MGAT4C: variants seen among roughly 807,000 people sequenced by gnomAD.
MGAT4C encodes the protein MGAT4 family member C, also known as alpha-1,3-mannosyl-glycoprotein 4-beta-N-acetylglucosaminyltransferase C.
In MGAT4C, 19 loss-of-function variants were observed where a neutral mutation model predicts 40.1. The ratio of observed to expected loss-of-function variants is 0.47; its 90% confidence interval spans 0.33 to 0.70. MGAT4C has a LOEUF of 0.70. Ranked by LOEUF, MGAT4C falls within the 30% of genes least tolerant of loss-of-function variation. The pLI, the probability that MGAT4C is intolerant of heterozygous loss-of-function variation, is 0.02. For missense variants in MGAT4C, 491 were observed against 563.2 expected, an observed-to-expected ratio of 0.87 and a Z score of 1.30; for synonymous variants, 181 against 187.1, an observed-to-expected ratio of 0.97 and a Z score of 0.27.
chr12:86,782,121 T>A lies in MGAT4C; in HGVS notation c.-261-54880A>T, dbSNP rs1466781196. ...CATTCTCCTGCCTCAGCCTTCTGAG[T>A]AGCTGGGACTACAGCCATCCGCCAC... is the stretch of plus-strand genomic sequence containing the variant. On this transcript the variant is annotated intron_variant, in intron 1 of 7. Transcript: ENST00000548651. Among the ~76,000 whole-genome samples the A allele has an allele frequency of 2.0e-5, 3 of 149,092 alleles. No individual in the cohort carries two copies. The East Asian group carries it at 5.9e-4, about 29-fold the overall frequency.
chr12:86,386,395 C>G (rs1592773990), intron 3 of MGAT4C, among the ~76,000 whole-genome samples: 1 of 152,158 alleles, frequency 6.6e-6, no homozygotes. Context: ...GGGCCTGCCT[C>G]TGATTTCTAT....
At chr12:86,020,012 G>A (rs978201245) in intron 2 of MGAT4C, among the ~76,000 whole-genome samples, 2 of 152,138 alleles carry the variant, frequency 1.3e-5, no homozygotes, top group African/African-American at 4.8e-5. Context: ...TGTTGTATAA[G>A]AATGCTTGTG....
intron 2 of MGAT4C, among the ~76,000 whole-genome samples, chr12:86,703,934 T>G (rs1335953786): frequency 6.6e-6 from 1 of 152,134 alleles, no homozygotes; most frequent in Non-Finnish European, 1.5e-5. Context: ...CCAAGGAAGC[T>G]CCAGAAGCAA....
At chr12:86,391,502 C>T (rs1252909653) in intron 3 of MGAT4C, among the ~76,000 whole-genome samples, 2 of 152,272 alleles carry the variant, frequency 1.3e-5, no homozygotes, top group East Asian at 1.9e-4. Flanking sequence ...TGTGCTTGAA[C>T]TTTGCGGATA....
At chr12:86,729,057 A>G (rs1305311333) in intron 1 of MGAT4C, among the ~76,000 whole-genome samples, 1 of 152,214 alleles carries the variant, frequency 6.6e-6, no homozygotes, top group African/African-American at 2.4e-5. Context: ...ACATAACAAG[A>G]CTAAAGTGAT....
intron 1 of MGAT4C, among the ~76,000 whole-genome samples, chr12:86,203,530 C>G (rs2135939239): frequency 6.6e-6 from 1 of 152,244 alleles, no homozygotes; most frequent in Non-Finnish European, 1.5e-5. Context: ...TGATCAAATT[C>G]TAGGTGTTTT....
intron 2 of MGAT4C, among the ~76,000 whole-genome samples, chr12:86,649,016 A>C (rs942046269): frequency 2.6e-5 from 4 of 151,938 alleles, no homozygotes; most frequent in Admixed American, 2.0e-4. Context: ...TAGGGGCTTC[A>C]TATAGTAAGC....
At chr12:86,122,541 C>T (rs1400858085) in intron 1 of MGAT4C, among the ~76,000 whole-genome samples, 1 of 152,094 alleles carries the variant, frequency 6.6e-6, no homozygotes, top group Non-Finnish European at 1.5e-5. Context: ...TAATCTATAA[C>T]ATCTCTAAAG....
At chr12:86,333,956 G>A (rs1954729566) in intron 4 of MGAT4C, 1 of 152,022 alleles carries the variant, frequency 6.6e-6, no homozygotes, top group Non-Finnish European at 1.5e-5. Flanking sequence ...TGCAGAAATT[G>A]CACTTAATCA....
rs543637530 is a variant in MGAT4C at position 86,509,254 on chromosome 12, C to G, written c.-228-73989G>C. Among the ~76,000 whole-genome samples, 436 of 151,978 alleles carry G rather than the reference C, an allele frequency of 2.9e-3. 1 individual carries two copies. The highest frequency in any genetic ancestry group is 9.9e-3 in the African/African-American group (411 of 41,372). On this transcript the variant is annotated intron_variant, in intron 2 of 7. Transcript: ENST00000548651. The stretch of plus-strand genomic sequence containing the variant: ...ATTTTTGTATAAGGTGTGAGGAAGG[C>G]ATCCAGTTTCAGCTTTCTACATATG...
At chr12:86,654,696 G>A (rs941928267) in intron 2 of MGAT4C, among the ~76,000 whole-genome samples, 2 of 150,176 alleles carry the variant, frequency 1.3e-5, no homozygotes, top group Admixed American at 6.6e-5. Context: ...ATATGATTTA[G>A]GGCAAGGCCT....
chr12:86,833,720 G>A (rs1311738887), intron 1 of MGAT4C, among the ~76,000 whole-genome samples: 6 of 151,828 alleles, frequency 4.0e-5, no homozygotes, highest in Non-Finnish European at 7.4e-5. Context: ...GAAATTTAGG[G>A]AGACGCAATT....
intron 2 of MGAT4C, among the ~76,000 whole-genome samples, chr12:86,008,584 G>T (rs944078831): frequency 2.0e-5 from 3 of 151,966 alleles, no homozygotes; most frequent in African/African-American, 7.2e-5. Flanking sequence ...TCAACATTTT[G>T]TTGCTGTTAT....
chr12:86,034,559 GT>G lies in MGAT4C; in HGVS notation c.-7+15114del, dbSNP rs1412974435. ...GAAATGTGCATAGTAGTCTCTGAGG[GT>G]TTTTTGTTGTTGTTTTTTTTAAATT... On this transcript the variant is annotated intron_variant, in intron 2 of 4. Coordinates refer to ENST00000611864, the MANE Select transcript of MGAT4C (RefSeq NM_001351288.2). Among the ~76,000 whole-genome samples, 7 of 130,904 alleles carry G rather than the reference GT, an allele frequency of 5.3e-5. 1 individual carries two copies. Among genetic ancestry groups the G allele is most frequent in the Admixed American group, 7.7e-5 (1 of 12,936 alleles). The allele number at this position is 130,904 out of a possible 152,430, so 85.9% of individuals were successfully genotyped here.
chr12:86,212,917 A>AC (rs1950537630), intron 1 of MGAT4C, among the ~76,000 whole-genome samples: 1 of 147,784 alleles, frequency 6.8e-6, no homozygotes, highest in African/African-American at 2.5e-5. Context: ...AAAAAAAAAA[A>AC]AAAAGAACAC....
rs769763236 is a variant in MGAT4C at position 85,989,516 on chromosome 12, A to G, written c.31T>C (p.Phe11Leu). ...CATCTCATTTTATCAAGTATTTCAA[A>G]AATATGTTTCATTTGATGAAATTTA... MFKFHQMKHI[F>L]EILDKMRCLR... is the part of the protein sequence containing the mutation. The change falls in exon 3 of 5, where the codon TTT (phenylalanine) becomes CTT (leucine). Residue 11 changes from phenylalanine (F) to leucine (L), a missense_variant. Phe to Leu is a conservative substitution (Grantham distance 22). Transcript: ENST00000611864. 1.2e-6 allele frequency: 2 copies of G among 1,604,628 alleles called. No homozygotes were observed. Among genetic ancestry groups the G allele is most frequent in the Non-Finnish European group, 1.7e-6 (2 of 1,174,684 alleles).
At chr12:86,295,915 T>C (rs1390234854) in intron 4 of MGAT4C, among the ~76,000 whole-genome samples, 2 of 148,122 alleles carry the variant, frequency 1.4e-5, no homozygotes, top group African/African-American at 5.0e-5. Flanking sequence ...CTGGTTTGTT[T>C]ACAATCCCTG....
intron 2 of MGAT4C, among the ~76,000 whole-genome samples, chr12:86,485,615 C>A (rs1958007299): frequency 6.6e-6 from 1 of 152,074 alleles, no homozygotes; most frequent in South Asian, 2.1e-4. Context: ...CCCTGGCATT[C>A]TTGAGAAAGG....
chr12:86,835,577 T>C (rs1393720534), intron 1 of MGAT4C, among the ~76,000 whole-genome samples: 2 of 152,032 alleles, frequency 1.3e-5, no homozygotes, highest in Non-Finnish European at 2.9e-5. Context: ...TCTTGTCTTC[T>C]ATTTCCATAT....
Sources: allele counts gnomAD v4.1 joint callset (sites outside exome capture counted in the v4.1 genomes callset), GRCh38; gene constraint gnomAD v4.1.1; transcripts MANE v1.5; gene names NCBI Gene and HGNC (gene_info 2026-07-23, HGNC 2026-07-21).